The following TDRD3 variants were observed in gnomAD, a reference collection of about 807,000 sequenced individuals.
TDRD3 encodes the protein tudor domain containing 3, also known as tudor domain-containing protein 3.
A neutral mutation model predicts 86.7 loss-of-function variants in TDRD3; 45 were observed. The observed-to-expected ratio is 0.52, with a 90% CI of 0.41 to 0.67. The LOEUF is 0.67. Ranked by LOEUF, TDRD3 falls within the 30% of genes least tolerant of loss-of-function variation. The pLI, the probability that TDRD3 is intolerant of heterozygous loss-of-function variation, is 0.00. For synonymous variants in TDRD3, 298 were observed against 301.7 expected, an observed-to-expected ratio of 0.99 and a Z score of 0.13; for missense variants, 814 against 889.0, an observed-to-expected ratio of 0.92 and a Z score of 1.07.
intron 11 of TDRD3, among the ~76,000 whole-genome samples, chr13:60,529,664 A>G (rs1319679431): frequency 6.6e-6 from 1 of 152,048 alleles, no homozygotes; most frequent in African/African-American, 2.4e-5. Flanking sequence ...AAAAGTTAAC[A>G]TATAAGTTAA....
At chr13:60,570,107 A>G (rs1958552213) in intron 13 of TDRD3, among the ~76,000 whole-genome samples, 1 of 152,242 alleles carries the variant, frequency 6.6e-6, no homozygotes, top group South Asian at 2.1e-4. Context: ...CAAAGGAAAC[A>G]GTCAACAAAG....
intron 3 of TDRD3, among the ~76,000 whole-genome samples, chr13:60,451,710 G>A (rs770133014): frequency 6.6e-6 from 1 of 152,142 alleles, no homozygotes; most frequent in African/African-American, 2.4e-5. Context: ...CAAAGCACTT[G>A]TATCAACTAT....
intron 1 of TDRD3, among the ~76,000 whole-genome samples, chr13:60,413,543 C>T (rs1954419697): frequency 6.6e-6 from 1 of 152,150 alleles, no homozygotes; most frequent in African/African-American, 2.4e-5. Flanking sequence ...AGTTAATACA[C>T]ACAAAGTGCT....
At chr13:60,409,898 G>A (rs1954317908) in intron 1 of TDRD3, among the ~76,000 whole-genome samples, 1 of 152,164 alleles carries the variant, frequency 6.6e-6, no homozygotes, top group African/African-American at 2.4e-5. Flanking sequence ...ATGTGGTTTG[G>A]CTGTGTCTCC....
intron 7 of TDRD3, among the ~76,000 whole-genome samples, chr13:60,493,055 A>G (rs1956628495): frequency 6.6e-6 from 1 of 150,600 alleles, no homozygotes; most frequent in Non-Finnish European, 1.5e-5. Flanking sequence ...AGTAGCTGGG[A>G]CTACAGGCGC....
intron 5 of TDRD3, among the ~76,000 whole-genome samples, chr13:60,478,232 T>C (rs1462503339): frequency 3.9e-5 from 6 of 151,966 alleles, no homozygotes. Context: ...ATTTGTGATT[T>C]CTGATTGTAC....
chr13:60,420,380 GTT>G (rs79700473), intron 1 of TDRD3, among the ~76,000 whole-genome samples: 5 of 149,606 alleles, frequency 3.3e-5, no homozygotes, highest in Admixed American at 6.7e-5. Flanking sequence ...AATTTTATCA[GTT>G]TTTTTTTTCT....
intron 5 of TDRD3, among the ~76,000 whole-genome samples, chr13:60,469,779 C>T (rs1303400686): frequency 6.6e-6 from 1 of 152,120 alleles, no homozygotes; most frequent in African/African-American, 2.4e-5. Context: ...GGCATTGTAA[C>T]TGTAGCAAGT....
Position 60,502,738 on chromosome 13 carries a change from A to T in TDRD3, c.859-7025A>T, listed in dbSNP as rs776163223. On this transcript the variant is annotated intron_variant, in intron 8 of 13. Transcript: ENST00000377881. ...TGACCACAGGTCAGGAACCTTGTACAGGATTATATATATAGGTATGAGGCC... is the reference window on the plus strand; with the variant it reads ...TGACCACAGGTCAGGAACCTTGTACTGGATTATATATATAGGTATGAGGCC... 3.9e-4 allele frequency among the ~76,000 whole-genome samples: 59 copies of T among 152,174 alleles called. 1 individual carries two copies. Among genetic ancestry groups the T allele is most frequent in the Non-Finnish European group, 7.8e-4 (53 of 68,020 alleles).
At chr13:60,539,440 A>G (rs1412889400) in intron 12 of TDRD3, among the ~76,000 whole-genome samples, 1 of 152,034 alleles carries the variant, frequency 6.6e-6, no homozygotes. Flanking sequence ...TTATTATTCC[A>G]TATTAGTTTA....
intron 1 of TDRD3, among the ~76,000 whole-genome samples, chr13:60,421,120 G>T (rs1954643347): frequency 6.6e-6 from 1 of 152,076 alleles, no homozygotes; most frequent in African/African-American, 2.4e-5. Context: ...GAATTCTTGA[G>T]CATTTGCGTT....
Position 60,513,105 on chromosome 13 carries a change from C to T in TDRD3, c.1141+2350C>T, listed in dbSNP as rs141224859. Among the ~76,000 whole-genome samples, 1,172 of 152,370 alleles carry T rather than the reference C, an allele frequency of 7.7e-3. 18 individuals carry two copies. Among genetic ancestry groups the T allele is most frequent in the African/African-American group, 0.027 (1,134 of 41,590 alleles). ...GGGTGGAGGTTCCCAATCCCCAATT[C>T]TTAACTTCTGTGCACTCATAGGCTC... On this transcript the variant is annotated intron_variant, in intron 10 of 13. Transcript: ENST00000377881.
chr13:60,524,429 C>A (rs968361260), intron 10 of TDRD3, among the ~76,000 whole-genome samples: 7 of 151,612 alleles, frequency 4.6e-5, no homozygotes, highest in African/African-American at 1.7e-4. Flanking sequence ...ATCACTTGAA[C>A]CCGGGAGGCG....
At chr13:60,570,247 A>G (rs1958556815) in intron 13 of TDRD3, among the ~76,000 whole-genome samples, 1 of 152,234 alleles carries the variant, frequency 6.6e-6, no homozygotes, top group Admixed American at 6.5e-5. Flanking sequence ...TAAATGGGCA[A>G]AAGACTTGAA....
chr13:60,541,053 G>T (rs1284170726), intron 12 of TDRD3, among the ~76,000 whole-genome samples: 1 of 152,082 alleles, frequency 6.6e-6, no homozygotes, highest in African/African-American at 2.4e-5. Flanking sequence ...CCACTTCATG[G>T]TTAAACAAAT....
rs1347924896 is a variant in TDRD3 at position 60,528,903 on chromosome 13, A to C, written c.1678A>C (p.Ser560Arg). The stretch of plus-strand genomic sequence containing the variant: ...ACAAACAATAAATAATGAAGCTTTC[A>C]GTGGTATAAAAATTGAAAAACATTT... ...KSQTINNEAF[S>R]GIKIEKHFNV... is the part of the protein sequence containing the mutation. The change falls in exon 11 of 14, where the codon AGT becomes CGT. Residue 560 changes from serine to arginine, a missense_variant. Coordinates refer to ENST00000377881, the MANE Select transcript of TDRD3 (RefSeq NM_001146070.2). 6.2e-7 allele frequency: 1 copy of C among 1,612,788 alleles called. No homozygotes were observed. Among genetic ancestry groups the C allele is most frequent in the Non-Finnish European group, 8.5e-7 (1 of 1,179,578 alleles).
intron 4 of TDRD3, 78 bp from the exon 5 acceptor site, chr13:60,467,160 C>T (rs888033322): frequency 5.8e-5 from 89 of 1,537,662 alleles, no homozygotes; most frequent in Non-Finnish European, 7.3e-5. Flanking sequence ...TGACAGGCCC[C>T]GGTCTGTGTT....
At chr13:60,404,070 A>G (rs901756734) in intron 1 of TDRD3, among the ~76,000 whole-genome samples, 1 of 152,240 alleles carries the variant, frequency 6.6e-6, no homozygotes, top group Non-Finnish European at 1.5e-5. Flanking sequence ...AGAGCAGTTA[A>G]CCCAGACTTG....
intron 12 of TDRD3, among the ~76,000 whole-genome samples, chr13:60,556,604 T>C (rs541204062): frequency 1.6e-4 from 24 of 152,304 alleles, no homozygotes; most frequent in African/African-American, 5.8e-4. Context: ...CTACTAAAAA[T>C]ATTAAAGCAA....
Sources: allele counts gnomAD v4.1 joint callset (sites outside exome capture counted in the v4.1 genomes callset), GRCh38; gene constraint gnomAD v4.1.1; transcripts MANE v1.5; gene names NCBI Gene and HGNC (gene_info 2026-07-23, HGNC 2026-07-21).